PDE5A: variants seen among roughly 807,000 people sequenced by gnomAD.
The protein encoded by PDE5A is cGMP-specific 3',5'-cyclic phosphodiesterase.
PDE5A carries 67 observed loss-of-function variants against 110.2 expected under a neutral mutation model. The observed-to-expected ratio is 0.61, with a 90% confidence interval of 0.50 to 0.75. The LOEUF (loss-of-function observed/expected upper bound fraction) is 0.75, where lower values mean the gene tolerates loss of function less well. Among genes scored for constraint, PDE5A ranks in the 30% least tolerant of loss-of-function variants. PDE5A has a pLI of 0.00. For synonymous variants in PDE5A, 328 were observed against 351.2 expected, an observed-to-expected ratio of 0.93 and a Z score of 0.74; for missense variants, 862 against 1,045.1, an observed-to-expected ratio of 0.82 and a Z score of 2.42.
intron 19 of PDE5A, among the ~76,000 whole-genome samples, chr4:119,501,966 G>A (rs751749994): frequency 6.6e-6 from 1 of 151,548 alleles, no homozygotes; most frequent in Non-Finnish European, 1.5e-5. Context: ...TATGATAGAT[G>A]AAACACTGCT....
At chr4:119,501,005 T>C in intron 20 of PDE5A, 165 bp downstream of exon 20, 1 of 586,000 alleles carries the variant, frequency 1.7e-6, no homozygotes, top group Non-Finnish European at 3.0e-6. Context: ...TATGTGTTCC[T>C]TGTTCAATAC....
intron 9 of PDE5A, chr4:119,542,955 G>A (rs1726995021): frequency 4.6e-6 from 1 of 216,750 alleles, no homozygotes; most frequent in Non-Finnish European, 9.2e-6. Flanking sequence ...TTGGATTTTT[G>A]TACACTTGCC....
At chr4:119,606,141 T>C (rs549129229) in intron 2 of PDE5A, among the ~76,000 whole-genome samples, 23 of 152,318 alleles carry the variant, frequency 1.5e-4, no homozygotes, top group South Asian at 6.2e-4. Flanking sequence ...AATCTTTCCA[T>C]TGAAAACTTT....
At chr4:119,560,246 G>T in intron 7 of PDE5A, 50 bp downstream of exon 7, 1 of 1,004,760 alleles carries the variant, frequency 1.0e-6, no homozygotes, top group African/African-American at 1.6e-5. Context: ...TAACTATTTA[G>T]CCAATATTAT....
chr4:119,507,797 C>T, intron 15 of PDE5A, 93 bp from the exon 16 acceptor site: 1 of 760,748 alleles, frequency 1.3e-6, no homozygotes. Flanking sequence ...TAAACACATG[C>T]CCAGTATTCT....
chr4:119,552,389 A>T (rs1316251050), intron 9 of PDE5A, 161 bp downstream of exon 9: 4 of 409,918 alleles, frequency 9.8e-6, no homozygotes, highest in Non-Finnish European at 1.7e-5. Flanking sequence ...AAGATATTTA[A>T]CAAATGTCTG....
At position 119,504,734 on chromosome 4, in the gene PDE5A, AAG is replaced by A. The variant is rs1205145441; in HGVS notation, c.2268-137_2268-136del. 3 of 546,680 alleles carry A rather than the reference AAG, an allele frequency of 5.5e-6. No homozygotes were observed. The East Asian group carries it at 9.0e-5, about 16-fold the overall frequency. The allele number at this position is 546,680 out of a possible 1,614,324, so 33.9% of individuals were successfully genotyped here. A position where few individuals can be genotyped will look rare whatever the true frequency, so the allele number is the denominator to read the frequency against. On this transcript the variant is annotated intron_variant, in intron 17 of 20. Coordinates refer to ENST00000354960, the MANE Select transcript of PDE5A (RefSeq NM_001083.4). ...TGGCAGTTTATAAAGACCAAAGAAA[AAG>A]AAACAATTTATATGAAAGTCTAACT...
chr4:119,536,532 C>T (rs1726730518), intron 11 of PDE5A, among the ~76,000 whole-genome samples: 1 of 152,158 alleles, frequency 6.6e-6, no homozygotes, highest in Admixed American at 6.5e-5. Context: ...AACTGTTCAT[C>T]ACTTCAAATA....
intron 18 of PDE5A, among the ~76,000 whole-genome samples, 174 bp from the exon 19 acceptor site, chr4:119,502,829 T>G (rs1229894103): frequency 6.6e-6 from 1 of 152,182 alleles, no homozygotes; most frequent in Admixed American, 6.5e-5. Flanking sequence ...TCTTAACTAT[T>G]ACATTATACT....
chr4:119,550,593 T>C (rs1578766748), intron 9 of PDE5A: 1 of 152,134 alleles, frequency 6.6e-6, no homozygotes, highest in South Asian at 2.1e-4. Flanking sequence ...ATGCGTAACT[T>C]CCTCCAGCCA....
intron 7 of PDE5A, among the ~76,000 whole-genome samples, chr4:119,557,122 G>A (rs1289316550): frequency 6.6e-6 from 1 of 152,166 alleles, no homozygotes; most frequent in Non-Finnish European, 1.5e-5. Flanking sequence ...AAAAGACTGA[G>A]CACACTAGGG....
At chr4:119,600,827 T>C (rs911473240) in intron 2 of PDE5A, among the ~76,000 whole-genome samples, 2 of 152,182 alleles carry the variant, frequency 1.3e-5, no homozygotes, top group Non-Finnish European at 2.9e-5. Flanking sequence ...GGTCAATAGG[T>C]TGTTGATGAA....
chr4:119,579,908 T>C (rs1420390618), intron 3 of PDE5A, among the ~76,000 whole-genome samples: 6 of 152,120 alleles, frequency 3.9e-5, no homozygotes, highest in African/African-American at 9.7e-5. Context: ...CAAATGAATA[T>C]GTAATTGCTG....
In PDE5A at chr4:119,505,902, TC is replaced by T; in HGVS notation, c.2219del (p.Arg740LysfsTer20). ...KRRGEFFELI[R>X]KNQFNLEDPH... Reference sequence around the variant, plus strand: ...GATCTTCCAAATTGAATTGATTTTTTCTTATAAGTTCAAAAAATTCTCCTCG... The same window carrying T: ...GATCTTCCAAATTGAATTGATTTTTTTTATAAGTTCAAAAAATTCTCCTCG... On this transcript the variant is annotated frameshift_variant, in exon 17 of 21. Transcript: ENST00000354960. LOFTEE classifies it high-confidence loss of function. 2 of 1,569,868 alleles carry T rather than the reference TC, an allele frequency of 1.3e-6. No individual in the cohort carries two copies. The highest frequency in any genetic ancestry group is 1.9e-5 in the Admixed American group (1 of 51,378).
rs1277480025 is a variant in PDE5A at position 119,519,038 on chromosome 4, G to A, written c.2000+7C>T. 1 of 1,594,046 alleles carries A rather than the reference G, an allele frequency of 6.3e-7. No individual in the cohort carries two copies. The highest frequency in any genetic ancestry group is 1.3e-5 in the African/African-American group (1 of 74,532). On this transcript the variant is annotated splice_region_variant and intron_variant, in intron 14 of 20. Coordinates refer to ENST00000354960, the MANE Select transcript of PDE5A (RefSeq NM_001083.4). ...AACATTTTCTTGCTTTACTGGGAAAGTCTTACCGCTGTATGTAAGAGTTAT... is the reference window on the plus strand; with the variant it reads ...AACATTTTCTTGCTTTACTGGGAAAATCTTACCGCTGTATGTAAGAGTTAT...
chr4:119,522,815 GT>G (rs1726176829), intron 12 of PDE5A, among the ~76,000 whole-genome samples: 1 of 151,368 alleles, frequency 6.6e-6, no homozygotes, highest in Non-Finnish European at 1.5e-5. Flanking sequence ...ATTAAAATTT[GT>G]AAGACAGTAT....
At chr4:119,517,686 TTGAG>T (rs1317181057) in intron 14 of PDE5A, among the ~76,000 whole-genome samples, 1 of 151,538 alleles carries the variant, frequency 6.6e-6, no homozygotes, top group Non-Finnish European at 1.5e-5. Flanking sequence ...GAAAAAATAG[TTGAG>T]TGTTTTTTTT....
At chr4:119,600,559 CT>C in intron 2 of PDE5A, among the ~76,000 whole-genome samples, 1 of 152,010 alleles carries the variant, frequency 6.6e-6, no homozygotes, top group Admixed American at 6.6e-5. Flanking sequence ...CTCAAACATT[CT>C]GATTAGCCAG....
rs202119692 is a variant in PDE5A at position 119,627,225 on chromosome 4, G to T, written c.152+1295C>A. 1.3e-5 allele frequency: 21 copies of T among 1,610,728 alleles called. No homozygotes were observed. The highest frequency in any genetic ancestry group is 1.4e-5 in the Non-Finnish European group (17 of 1,178,336). On this transcript the variant is annotated intron_variant, in intron 1 of 20. Coordinates refer to ENST00000354960, the MANE Select transcript of PDE5A (RefSeq NM_001083.4). The surrounding 1 kb of genome is among the most constrained non-coding windows in gnomAD (Gnocchi z 4.6). ...GAACTCCGCCGATCCTGGACTCCAGGAGGCTCCGTAGGGGCAACAACGCGC... is the reference window on the plus strand; with the variant it reads ...GAACTCCGCCGATCCTGGACTCCAGTAGGCTCCGTAGGGGCAACAACGCGC...
Sources: gnomAD v4.1 joint callset for allele counts (sites outside exome capture counted in the v4.1 genomes callset) on GRCh38, gnomAD v4.1.1 for gene constraint, Gnocchi (gnomAD v3.1) non-coding constraint, MANE v1.5 for transcripts, NCBI Gene and HGNC (gene_info 2026-07-23, HGNC 2026-07-21) for gene names.